Variants in GALNT13 observed in about 807,000 individuals in gnomAD.
GALNT13 encodes the protein UDP-GalNAc:polypeptide N-acetylgalactosaminyltransferase 13.
GALNT13 carries 28 observed loss-of-function variants against 64.2 expected under a neutral mutation model. The observed-to-expected ratio is 0.44, with a 90% confidence interval of 0.32 to 0.60. GALNT13 has a LOEUF of 0.60. Among genes scored for constraint, GALNT13 ranks in the 20% least tolerant of loss-of-function variants. The probability of loss-of-function intolerance (pLI) is 0.05; values close to 1 mark genes in which losing one functional copy is unlikely to be tolerated. For missense variants in GALNT13, 577 were observed against 669.8 expected, an observed-to-expected ratio of 0.86 and a Z score of 1.53; for synonymous variants, 214 against 224.6, an observed-to-expected ratio of 0.95 and a Z score of 0.42.
At chr2:153,297,109 G>T in the GALNT13 span, among the ~76,000 whole-genome samples, 1 of 152,116 alleles carries the variant, frequency 6.6e-6, no homozygotes, top group Non-Finnish European at 1.5e-5. Flanking sequence ...AAAGCAGACA[G>T]TATTAAACTT....
the GALNT13 span, among the ~76,000 whole-genome samples, chr2:153,458,962 G>C: frequency 6.6e-6 from 1 of 151,806 alleles, no homozygotes; most frequent in African/African-American, 2.4e-5. Context: ...TAAAATCTAG[G>C]GTCAAACTGG....
At chr2:154,411,312 G>GCA (rs1295243108) in intron 11 of GALNT13, among the ~76,000 whole-genome samples, 14 of 65,578 alleles carry the variant, frequency 2.1e-4, no homozygotes, top group Admixed American at 1.5e-3. Context: ...ATACTTAATT[G>GCA]CACATACACA....
At chr2:154,086,754 A>G (rs1351698512) in intron 3 of GALNT13, among the ~76,000 whole-genome samples, 4 of 148,310 alleles carry the variant, frequency 2.7e-5, no homozygotes, top group Non-Finnish European at 4.5e-5. Flanking sequence ...TTTTTAAGTT[A>G]TATGTTAGCA....
the GALNT13 span, among the ~76,000 whole-genome samples, chr2:153,291,453 T>C: frequency 3.3e-5 from 5 of 152,108 alleles, no homozygotes; most frequent in Admixed American, 2.0e-4. Flanking sequence ...TACAAAACAA[T>C]AGTAATATTT....
the GALNT13 span, among the ~76,000 whole-genome samples, chr2:153,659,116 C>A: frequency 1.3e-5 from 2 of 152,002 alleles, no homozygotes; most frequent in African/African-American, 4.8e-5. Flanking sequence ...ATTTTATGAA[C>A]AATTTTGTAT....
chr2:154,291,424 G>A (rs972159789), intron 8 of GALNT13, among the ~76,000 whole-genome samples: 1 of 152,144 alleles, frequency 6.6e-6, no homozygotes, highest in Non-Finnish European at 1.5e-5. Flanking sequence ...CAATCCTTTA[G>A]CTAGACAGAA....
the GALNT13 span, among the ~76,000 whole-genome samples, chr2:153,525,336 G>A: frequency 6.6e-6 from 1 of 152,122 alleles, no homozygotes; most frequent in African/African-American, 2.4e-5. Context: ...GGTGGCTAAG[G>A]GGCAAAACCC....
rs1269950074 is a variant in GALNT13, at chr2:154,180,368, C to CT, written c.311+39870dup. 2.0e-5 allele frequency among the ~76,000 whole-genome samples: 3 copies of CT among 151,452 alleles called. No homozygotes were observed. In the East Asian group the frequency reaches 5.8e-4, roughly 29 times the overall value. On this transcript the variant is annotated intron_variant, in intron 4 of 12. Coordinates refer to ENST00000392825, the MANE Select transcript of GALNT13 (RefSeq NM_052917.4). ...TAGTATATTAAACATTTTGGTAGGT[C>CT]TTTTTTTCTCCTTGCCTTTTATGGA...
the GALNT13 span, among the ~76,000 whole-genome samples, chr2:153,346,334 A>T: frequency 6.6e-6 from 1 of 152,060 alleles, no homozygotes; most frequent in Non-Finnish European, 1.5e-5. Flanking sequence ...CTCTGTACAA[A>T]TTGCTTTTAG....
chr2:154,255,866 A>G (rs1001761667), intron 7 of GALNT13, among the ~76,000 whole-genome samples: 2 of 152,066 alleles, frequency 1.3e-5, no homozygotes, highest in Admixed American at 1.3e-4. Context: ...AGCCTGAGCA[A>G]CATAGCAAAA....
chr2:153,453,819 A>G, the GALNT13 span, among the ~76,000 whole-genome samples: 3 of 152,246 alleles, frequency 2.0e-5, no homozygotes, highest in African/African-American at 7.2e-5. Context: ...ATGCACTCAT[A>G]TGTTCATCAC....
the GALNT13 span, among the ~76,000 whole-genome samples, chr2:153,681,023 G>A: frequency 6.6e-6 from 1 of 151,894 alleles, no homozygotes; most frequent in Non-Finnish European, 1.5e-5. Flanking sequence ...AGAAGACAAG[G>A]TTATAGAGAA....
the GALNT13 span, among the ~76,000 whole-genome samples, chr2:153,814,449 A>ATAAGTAAGTAAG: frequency 1.5e-4 from 22 of 148,402 alleles, no homozygotes; most frequent in African/African-American, 4.2e-4. Flanking sequence ...CAATAAATAA[A>ATAAGTAAGTAAG]TAAGTAAGTA....
chr2:153,651,239 G>T, the GALNT13 span, among the ~76,000 whole-genome samples: 1 of 152,144 alleles, frequency 6.6e-6, no homozygotes, highest in East Asian at 1.9e-4. Flanking sequence ...CAAGAGTCTA[G>T]AGAATTGATA....
At chr2:153,606,814 G>A in the GALNT13 span, among the ~76,000 whole-genome samples, 2 of 149,856 alleles carry the variant, frequency 1.3e-5, no homozygotes, top group Non-Finnish European at 3.0e-5. Context: ...ATTCTCTTCT[G>A]ACTTATTGAG....
intron 12 of GALNT13, chr2:154,446,477 C>T (rs1465926911): frequency 1.5e-6 from 2 of 1,292,730 alleles, no homozygotes; most frequent in Non-Finnish European, 2.1e-6. Context: ...CATCTTTATC[C>T]AGTAGAAATT....
chr2:153,983,773 A>G (rs1232124948), intron 3 of GALNT13, among the ~76,000 whole-genome samples: 2 of 151,976 alleles, frequency 1.3e-5, no homozygotes. Flanking sequence ...GGCAGTGTGT[A>G]TTGGTCTAAA....
the GALNT13 span, among the ~76,000 whole-genome samples, chr2:153,496,435 A>G: frequency 1.3e-5 from 2 of 152,242 alleles, no homozygotes; most frequent in Non-Finnish European, 2.9e-5. Context: ...ATTGCACTGC[A>G]TAGAACATTT....
At chr2:153,548,157 C>T in the GALNT13 span, among the ~76,000 whole-genome samples, 13 of 152,092 alleles carry the variant, frequency 8.5e-5, no homozygotes, top group Non-Finnish European at 1.6e-4. Context: ...TTTCTGTGCA[C>T]AAAAGTCCTT....
Sources: gnomAD v4.1 joint callset for allele counts (sites outside exome capture counted in the v4.1 genomes callset) on GRCh38, gnomAD v4.1.1 for gene constraint, MANE v1.5 for transcripts, NCBI Gene and HGNC (gene_info 2026-07-23, HGNC 2026-07-21) for gene names.